Variants in SEMA5A observed in about 807,000 individuals in gnomAD.
The protein encoded by SEMA5A is semaphorin-5A.
SEMA5A carries 55 observed loss-of-function variants against 135.5 expected under a neutral mutation model. The ratio of observed to expected loss-of-function variants is 0.41; its 90% CI spans 0.33 to 0.51. The LOEUF (loss-of-function observed/expected upper bound fraction) is 0.51. SEMA5A is among the 20% of genes least tolerant of loss of function. The probability of loss-of-function intolerance (pLI) is 0.37; values close to 1 mark genes in which losing one functional copy is unlikely to be tolerated. For missense variants in SEMA5A, 1,290 were observed against 1,419.9 expected, an observed-to-expected ratio of 0.91 and a Z score of 1.47; for synonymous variants, 580 against 546.5, an observed-to-expected ratio of 1.06 and a Z score of -0.85.
At chr5:9,062,734 T>C (rs1737250814) in intron 18 of SEMA5A, among the ~76,000 whole-genome samples, 153 bp downstream of exon 18, 1 of 152,220 alleles carries the variant, frequency 6.6e-6, no homozygotes, top group Non-Finnish European at 1.5e-5. Flanking sequence ...GTGCTGGGAT[T>C]ACCAGCATGA....
intron 11 of SEMA5A, among the ~76,000 whole-genome samples, chr5:9,174,032 C>T (rs1251326719): frequency 6.6e-6 from 1 of 152,276 alleles, no homozygotes; most frequent in East Asian, 1.9e-4. Flanking sequence ...ATATTATAAA[C>T]CAATAAATAA....
At chr5:9,523,955 T>C (rs1194706763) in intron 1 of SEMA5A, among the ~76,000 whole-genome samples, 28 of 152,204 alleles carry the variant, frequency 1.8e-4, no homozygotes, top group Admixed American at 6.5e-5. Context: ...TGAGGTCTAA[T>C]ATGCTTTAGG....
At chr5:9,449,815 A>G (rs623033) in intron 1 of SEMA5A, among the ~76,000 whole-genome samples, 144,624 of 152,190 alleles carry the variant, frequency 0.95, 68,831 homozygotes, top group African/African-American at 0.98. Context: ...AGATAGCAGC[A>G]TGCAGGAACC....
At chr5:9,312,318 G>T (rs1752175563) in intron 5 of SEMA5A, among the ~76,000 whole-genome samples, 2 of 146,818 alleles carry the variant, frequency 1.4e-5, no homozygotes, top group Middle Eastern at 3.2e-3. Context: ...ATAGGGGATG[G>T]CTAAACTTCA....
intron 1 of SEMA5A, among the ~76,000 whole-genome samples, chr5:9,508,024 A>AG (rs1454076299): frequency 4.0e-5 from 6 of 151,090 alleles, no homozygotes; most frequent in Non-Finnish European, 7.4e-5. Flanking sequence ...AAAAGAAAAG[A>AG]AAAAAAGAAA....
chr5:9,367,507 A>G (rs1754967275), intron 3 of SEMA5A: 1 of 152,240 alleles, frequency 6.6e-6, no homozygotes, highest in South Asian at 2.1e-4. Flanking sequence ...AAGTATTTTT[A>G]TCACTTAAAT....
chr5:9,259,556 A>T lies in SEMA5A; in HGVS notation c.271-21666T>A, dbSNP rs959296029. Among the ~76,000 whole-genome samples the T allele has an allele frequency of 1.6e-4, 25 of 151,870 alleles. 1 individual carries two copies. Among genetic ancestry groups the T allele is most frequent in the Non-Finnish European group, 7.4e-5 (5 of 68,012 alleles). ...TGATTTGGGGTGGAGAGTTCTGTAG[A>T]TGTCTATTAGGTCTGCTTGGTGCAG... On this transcript the variant is annotated intron_variant, in intron 5 of 22. Coordinates refer to ENST00000382496, the MANE Select transcript of SEMA5A (RefSeq NM_003966.3).
chr5:9,241,992 C>T (rs1385162470), intron 5 of SEMA5A, among the ~76,000 whole-genome samples: 1 of 152,170 alleles, frequency 6.6e-6, no homozygotes, highest in Admixed American at 6.5e-5. Flanking sequence ...TTAAACAAAA[C>T]TAGTTTAATT....
At chr5:9,255,433 T>C (rs1749014871) in intron 5 of SEMA5A, among the ~76,000 whole-genome samples, 1 of 152,186 alleles carries the variant, frequency 6.6e-6, no homozygotes. Flanking sequence ...CAATGTGCCC[T>C]AACACAAAGA....
chr5:9,272,319 C>T (rs1245914044), intron 5 of SEMA5A, among the ~76,000 whole-genome samples: 2 of 152,110 alleles, frequency 1.3e-5, no homozygotes, highest in African/African-American at 4.8e-5. Flanking sequence ...ACCATCTCTC[C>T]TCTCTGGGCA....
At position 9,037,694 on chromosome 5, in the gene SEMA5A, T is replaced by C. The variant is rs1471877585; in HGVS notation, c.*5203A>G. On this transcript the variant is annotated 3_prime_UTR_variant, in exon 23 of 23. Transcript: ENST00000382496. The stretch of plus-strand genomic sequence containing the variant: ...AAGGATTAAAGCAACATATTTTCCT[T>C]TGCTTTATTAGGTTAACAAGCAAGG... The C allele has an allele frequency of 1.3e-5, 2 of 152,208 alleles. No homozygotes were observed. Among genetic ancestry groups the C allele is most frequent in the African/African-American group, 4.8e-5 (2 of 41,448 alleles). The allele number at this position is 152,208 out of a possible 1,614,324, so 9.4% of individuals were successfully genotyped here.
intron 5 of SEMA5A, among the ~76,000 whole-genome samples, chr5:9,252,172 A>C (rs1748832402): frequency 6.6e-6 from 1 of 152,172 alleles, no homozygotes; most frequent in South Asian, 2.1e-4. Context: ...TGCTTTTGAA[A>C]GGCCCTTGGT....
chr5:9,372,009 T>C (rs1755156932), intron 3 of SEMA5A, among the ~76,000 whole-genome samples: 1 of 152,256 alleles, frequency 6.6e-6, no homozygotes, highest in East Asian at 1.9e-4. Flanking sequence ...TCTTAATTCC[T>C]CCTTGGAGAA....
At chr5:9,280,047 T>C (rs1029439600) in intron 5 of SEMA5A, among the ~76,000 whole-genome samples, 1 of 152,202 alleles carries the variant, frequency 6.6e-6, no homozygotes, top group Non-Finnish European at 1.5e-5. Context: ...ATGATGAGTG[T>C]CTGAGGGACA....
chr5:9,133,177 C>T (rs2387936), intron 13 of SEMA5A, among the ~76,000 whole-genome samples: 129,093 of 152,218 alleles, frequency 0.85, 56,359 homozygotes, highest in Non-Finnish European at 0.97. Flanking sequence ...AAAAATAACA[C>T]GGAAGAAAAT....
chr5:9,111,934 A>ATC (rs3836911), intron 15 of SEMA5A, among the ~76,000 whole-genome samples: 17,645 of 152,158 alleles, frequency 0.12, 1,561 homozygotes, highest in East Asian at 0.32. Flanking sequence ...TTACTTTGGT[A>ATC]TCTGCTGGTT....
rs1437302620 is a variant in SEMA5A at position 9,042,995 on chromosome 5, T to C, written c.3127A>G (p.Ile1043Val). Reference protein sequence around the residue: ...AIKAFNKNNLILEERNKYFNP... With the variant: ...AIKAFNKNNLVLEERNKYFNP... Reference sequence around the variant, plus strand: ...AAGTATTTGTTTCTTTCCTCTAGGATCAAGTTGTTTTTGTTAAATGCCTGG... The same window carrying C: ...AAGTATTTGTTTCTTTCCTCTAGGACCAAGTTGTTTTTGTTAAATGCCTGG... Residue 1043 changes from isoleucine (I) to valine (V), a missense_variant, in exon 23 of 23, where the codon ATC (isoleucine) becomes GTC (valine). Physicochemically the swap from Ile to Val is conservative, Grantham distance 29. This residue lies in a region of SEMA5A where 1,029 missense variants were observed against 1,086.6 expected (regional missense o/e 0.95). Coordinates refer to ENST00000382496, the MANE Select transcript of SEMA5A (RefSeq NM_003966.3). The C allele has an allele frequency of 1.2e-6, 2 of 1,609,288 alleles. No homozygotes were observed. The highest frequency in any genetic ancestry group is 2.7e-5 in the African/African-American group (2 of 73,596).
At chr5:9,386,172 T>C (rs1459678473) in intron 2 of SEMA5A, among the ~76,000 whole-genome samples, 1 of 152,168 alleles carries the variant, frequency 6.6e-6, no homozygotes, top group Non-Finnish European at 1.5e-5. Context: ...AGGGATCAGA[T>C]GAACTGCTCA....
intron 1 of SEMA5A, among the ~76,000 whole-genome samples, chr5:9,448,922 GC>G (rs1197294124): frequency 1.3e-5 from 2 of 152,148 alleles, no homozygotes; most frequent in Non-Finnish European, 2.9e-5. Context: ...CATTCCCAAG[GC>G]CAGGCCTAAG....
Sources: allele counts gnomAD v4.1 joint callset (sites outside exome capture counted in the v4.1 genomes callset), GRCh38; gene constraint gnomAD v4.1.1; regional missense constraint gnomAD v4.1.1; transcripts MANE v1.5; gene names NCBI Gene and HGNC (gene_info 2026-07-23, HGNC 2026-07-21).